KCNB2: variants seen among roughly 807,000 people sequenced by gnomAD.
KCNB2 encodes the protein potassium voltage-gated channel subfamily B member 2.
Under a neutral mutation model 61.5 loss-of-function variants are expected in KCNB2, and 15 were observed. The ratio of observed to expected loss-of-function variants is 0.24; its 90% CI spans 0.16 to 0.38. The LOEUF (loss-of-function observed/expected upper bound fraction) is 0.38, where lower values mean the gene tolerates loss of function less well. KCNB2 is among the 10% of genes least tolerant of loss of function. KCNB2 has a pLI of 1.00. For missense variants in KCNB2, 828 were observed against 1,125.2 expected (o/e 0.74, Z 3.78); for synonymous variants, 457 against 446.0 (o/e 1.02, Z -0.31).
intron 2 of KCNB2, among the ~76,000 whole-genome samples, chr8:72,727,179 T>C (rs1236933102): frequency 6.6e-6 from 1 of 152,084 alleles, no homozygotes; most frequent in Non-Finnish European, 1.5e-5. Flanking sequence ...TGAAGAGAAA[T>C]GTTTCAAGCA....
intron 2 of KCNB2, among the ~76,000 whole-genome samples, chr8:72,640,326 G>A (rs1355423855): frequency 6.6e-6 from 1 of 152,060 alleles, no homozygotes; most frequent in African/African-American, 2.4e-5. Context: ...GAATCAAGGA[G>A]GAATGAGTAA....
At chr8:72,682,543 A>T (rs145603621) in intron 2 of KCNB2, among the ~76,000 whole-genome samples, 2 of 150,362 alleles carry the variant, frequency 1.3e-5, no homozygotes, top group Non-Finnish European at 3.0e-5. Flanking sequence ...TCTGCCTCAG[A>T]GTTTTGTCAA....
chr8:72,778,038 C>A (rs1161133887), intron 2 of KCNB2, among the ~76,000 whole-genome samples: 2 of 152,164 alleles, frequency 1.3e-5, no homozygotes, highest in Non-Finnish European at 2.9e-5. Flanking sequence ...AGAGGTGCTG[C>A]TGTTTCCATG....
At chr8:72,822,769 C>G (rs1057254867) in intron 2 of KCNB2, among the ~76,000 whole-genome samples, 3 of 152,136 alleles carry the variant, frequency 2.0e-5, no homozygotes, top group African/African-American at 7.2e-5. Flanking sequence ...ATTCAGAGAC[C>G]TTCCTAGTTC....
chr8:72,731,573 G>T (rs193030533), intron 2 of KCNB2, among the ~76,000 whole-genome samples: 15 of 152,302 alleles, frequency 9.8e-5, no homozygotes, highest in Admixed American at 8.5e-4. Flanking sequence ...CTTCCTCAAG[G>T]ATAAATACTG....
At chr8:72,821,218 C>G (rs1809492452) in intron 2 of KCNB2, among the ~76,000 whole-genome samples, 1 of 152,174 alleles carries the variant, frequency 6.6e-6, no homozygotes, top group Non-Finnish European at 1.5e-5. Flanking sequence ...CATCAGGCAT[C>G]AAGGACCATT....
At chr8:72,616,330 C>T (rs1479330006) in intron 2 of KCNB2, among the ~76,000 whole-genome samples, 1 of 152,142 alleles carries the variant, frequency 6.6e-6, no homozygotes, top group Non-Finnish European at 1.5e-5. Context: ...ATGCTTATGG[C>T]TAGTGGAAGC....
At chr8:72,575,497 C>A (rs1197398637) in intron 2 of KCNB2, among the ~76,000 whole-genome samples, 1 of 152,004 alleles carries the variant, frequency 6.6e-6, no homozygotes, top group Non-Finnish European at 1.5e-5. Flanking sequence ...ACAAAATATT[C>A]TCTTCCCAGA....
At chr8:72,865,598 C>A (rs1267776417) in intron 2 of KCNB2, among the ~76,000 whole-genome samples, 9 of 152,056 alleles carry the variant, frequency 5.9e-5, no homozygotes, top group Non-Finnish European at 1.2e-4. Flanking sequence ...TAGTCTTCAC[C>A]CCTCCTTCGT....
At chr8:72,784,868 C>T (rs1474633793) in intron 2 of KCNB2, among the ~76,000 whole-genome samples, 1 of 152,118 alleles carries the variant, frequency 6.6e-6, no homozygotes, top group Admixed American at 6.5e-5. Flanking sequence ...TGAGCTTGCC[C>T]CTCATCCCCT....
intron 2 of KCNB2, among the ~76,000 whole-genome samples, chr8:72,624,323 C>T (rs962323497): frequency 1.3e-5 from 2 of 152,134 alleles, no homozygotes; most frequent in Non-Finnish European, 2.9e-5. Flanking sequence ...AAAACATCCT[C>T]GAAGAAGAAG....
intron 1 of KCNB2, among the ~76,000 whole-genome samples, chr8:72,557,392 A>AT (rs1166742228): frequency 1.1e-5 from 1 of 88,978 alleles, no homozygotes; most frequent in Admixed American, 1.3e-4. Context: ...ACTTTGATGC[A>AT]TTCTTTTCTT....
rs112954088 is a variant in KCNB2, at chr8:72,780,145, T to C, written c.580-155790T>C. On this transcript the variant is annotated intron_variant, in intron 2 of 2. Transcript: ENST00000523207. ...ACTCAGAGCTAAGAGCCAAATACTT[T>C]ACGCTGCCCTCTTAGCCCAGACACT... 3.7e-3 allele frequency among the ~76,000 whole-genome samples: 558 copies of C among 152,306 alleles called. 6 individuals are homozygous for C. Among genetic ancestry groups the C allele is most frequent in the Middle Eastern group, 0.01 (3 of 294 alleles).
chr8:72,710,477 A>T lies in KCNB2; in HGVS notation c.579+142164A>T, dbSNP rs1261714795. Among the ~76,000 whole-genome samples, 11 of 151,250 alleles carry T rather than the reference A, an allele frequency of 7.3e-5. No homozygotes were observed. The South Asian group carries it at 1.9e-3, about 26-fold the overall frequency. On this transcript the variant is annotated intron_variant, in intron 2 of 2. Transcript: ENST00000523207. Reference sequence around the variant, plus strand: ...TGCTCTGCATATATATATATATATAAAACTAAAGAAGGGTATGTGTGTTTG... The same window carrying T: ...TGCTCTGCATATATATATATATATATAACTAAAGAAGGGTATGTGTGTTTG...
At chr8:72,844,103 C>T (rs1304007399) in intron 2 of KCNB2, among the ~76,000 whole-genome samples, 1 of 152,148 alleles carries the variant, frequency 6.6e-6, no homozygotes, top group African/African-American at 2.4e-5. Context: ...TTTAGTGCTT[C>T]CTTCAGGAGC....
At chr8:72,693,454 G>A (rs1010812283) in intron 2 of KCNB2, among the ~76,000 whole-genome samples, 56 of 152,116 alleles carry the variant, frequency 3.7e-4, no homozygotes, top group African/African-American at 1.3e-3. Flanking sequence ...TTGAGAGACT[G>A]TGCCATACAG....
chr8:72,580,100 T>C (rs1161404962), intron 2 of KCNB2, among the ~76,000 whole-genome samples: 3 of 152,168 alleles, frequency 2.0e-5, no homozygotes, highest in Non-Finnish European at 4.4e-5. Context: ...TATTTTCTGC[T>C]CCATGGGCCA....
At chr8:72,882,432 C>A (rs531072569) in intron 2 of KCNB2, among the ~76,000 whole-genome samples, 167 of 151,964 alleles carry the variant, frequency 1.1e-3, no homozygotes, top group African/African-American at 3.8e-3. Context: ...ATGGCTCTTT[C>A]CAGCTCATTC....
chr8:72,626,137 T>C (rs1021230352), intron 2 of KCNB2, among the ~76,000 whole-genome samples: 7 of 152,190 alleles, frequency 4.6e-5, no homozygotes, highest in Non-Finnish European at 1.5e-5. Flanking sequence ...ATGTTAGTTC[T>C]AGTGTCCAGA....
Sources: gnomAD v4.1 joint callset for allele counts (sites outside exome capture counted in the v4.1 genomes callset) on GRCh38, gnomAD v4.1.1 for gene constraint, MANE v1.5 for transcripts, NCBI Gene and HGNC (gene_info 2026-07-23, HGNC 2026-07-21) for gene names.